Variants in FHOD3 observed in about 807,000 individuals in gnomAD.
The protein encoded by FHOD3 is formin homology 2 domain containing 3, also known as FH1/FH2 domain-containing protein 3.
In FHOD3, 90 loss-of-function variants were observed where a neutral mutation model predicts 173.0. The observed-to-expected ratio is 0.52, with a 90% CI of 0.44 to 0.62. FHOD3 has a LOEUF of 0.62. Ranked by LOEUF, FHOD3 falls within the 20% of genes least tolerant of loss-of-function variation. FHOD3 has a pLI of 0.00. For synonymous variants in FHOD3, 828 were observed against 823.0 expected, an observed-to-expected ratio of 1.01 and a Z score of -0.10; for missense variants, 1,945 against 2,034.7, an observed-to-expected ratio of 0.96 and a Z score of 0.85.
intron 6 of FHOD3, among the ~76,000 whole-genome samples, chr18:36,588,743 T>G (rs2059119185): frequency 6.6e-6 from 1 of 152,258 alleles, no homozygotes; most frequent in Admixed American, 6.5e-5. Context: ...TGTAAAAGTA[T>G]TAAGAGACTG....
At chr18:36,412,416 A>C (rs2049402193) in intron 3 of FHOD3, among the ~76,000 whole-genome samples, 1 of 152,240 alleles carries the variant, frequency 6.6e-6, no homozygotes, top group South Asian at 2.1e-4. Flanking sequence ...ACCAATTTTA[A>C]AACACAAATA....
At chr18:36,355,759 C>T in intron 2 of FHOD3, 114 bp downstream of exon 2, 1 of 798,232 alleles carries the variant, frequency 1.3e-6, no homozygotes, top group Non-Finnish European at 2.0e-6. Flanking sequence ...TCTCTTAATT[C>T]TCAATCACAC....
In FHOD3 at chr18:36,658,178, A is replaced by G. The variant is rs374842436; in HGVS notation, c.1825A>G (p.Arg609Gly). The change falls in exon 14 of 29, where the codon AGG becomes GGG. Residue 609 changes from arginine (R) to glycine (G), a missense_variant. Coordinates refer to ENST00000590592, the MANE Select transcript of FHOD3 (RefSeq NM_001281740.3). ...TSSVSPPQEARLERSSPSGLL... is the reference protein window; with the variant it reads ...TSSVSPPQEAGLERSSPSGLL... The stretch of plus-strand genomic sequence containing the variant: ...ATCCGTCTCACCCCCACAGGAGGCC[A>G]GGTTGGAAAGGTGAGTTCGACAAGC... The G allele has an allele frequency of 3.8e-6, 6 of 1,583,086 alleles. No homozygotes were observed. Among genetic ancestry groups the G allele is most frequent in the African/African-American group, 2.8e-5 (2 of 72,476 alleles).
At chr18:36,683,425 T>C (rs2038386911) in intron 15 of FHOD3, among the ~76,000 whole-genome samples, 1 of 152,208 alleles carries the variant, frequency 6.6e-6, no homozygotes, top group Admixed American at 6.5e-5. Context: ...CATTGCTGAA[T>C]GCAACCATAA....
intron 10 of FHOD3, among the ~76,000 whole-genome samples, chr18:36,633,768 T>C (rs370197667): frequency 6.6e-5 from 10 of 152,310 alleles, no homozygotes; most frequent in African/African-American, 1.7e-4. Context: ...AAGCAAAAAA[T>C]CACTCAGAGC....
At chr18:36,640,683 A>T (rs1362085831) in intron 10 of FHOD3, among the ~76,000 whole-genome samples, 3 of 152,184 alleles carry the variant, frequency 2.0e-5, no homozygotes. Flanking sequence ...CAAATGGGTC[A>T]TAAGGCACTG....
At chr18:36,777,296 A>G (rs1339301168) in intron 28 of FHOD3, among the ~76,000 whole-genome samples, 4 of 138,740 alleles carry the variant, frequency 2.9e-5, no homozygotes, top group Non-Finnish European at 6.0e-5. Flanking sequence ...TCCGCCTCCC[A>G]GGTTCAAGCA....
intron 3 of FHOD3, among the ~76,000 whole-genome samples, chr18:36,450,291 G>A (rs879619567): frequency 7.9e-5 from 12 of 152,240 alleles, no homozygotes; most frequent in East Asian, 1.9e-4. Context: ...CAGAATTAAC[G>A]TGAGAGGGAA....
intron 1 of FHOD3, among the ~76,000 whole-genome samples, chr18:36,320,749 A>C (rs1310447192): frequency 6.6e-6 from 1 of 152,214 alleles, no homozygotes; most frequent in Non-Finnish European, 1.5e-5. Context: ...ATACCCTCAA[A>C]GTGCATTGCA....
chr18:36,576,006 CCCACAGAATCTAAGACTTG>C (rs2058634308), intron 5 of FHOD3, among the ~76,000 whole-genome samples: 1 of 152,148 alleles, frequency 6.6e-6, no homozygotes, highest in Non-Finnish European at 1.5e-5. Flanking sequence ...CCAGGATGAT[CCCACAGAATCTAAGACTTG>C]CTGACCACAG....
At chr18:36,747,312 C>G (rs987603511) in intron 24 of FHOD3, among the ~76,000 whole-genome samples, 177 bp downstream of exon 24, 1 of 152,098 alleles carries the variant, frequency 6.6e-6, no homozygotes, top group African/African-American at 2.4e-5. Context: ...TTTTCTTACA[C>G]AATAATATAA....
intron 1 of FHOD3, among the ~76,000 whole-genome samples, chr18:36,340,879 C>T (rs1007194530): frequency 1.3e-5 from 2 of 152,090 alleles, no homozygotes; most frequent in African/African-American, 2.4e-5. Flanking sequence ...CCTCATGATC[C>T]GTCTGCCTCG....
intron 19 of FHOD3, among the ~76,000 whole-genome samples, chr18:36,721,403 G>A (rs1337081874): frequency 2.0e-5 from 3 of 152,206 alleles, no homozygotes; most frequent in Non-Finnish European, 4.4e-5. Context: ...CACTTTAGGA[G>A]GCCAAGGCAG....
chr18:36,463,029 C>G (rs1013945461), intron 3 of FHOD3, among the ~76,000 whole-genome samples: 1 of 152,058 alleles, frequency 6.6e-6, no homozygotes, highest in African/African-American at 2.4e-5. Context: ...ATAGTAATGT[C>G]TAGCAATAAA....
chr18:36,596,242 C>T (rs1232651679), intron 7 of FHOD3, among the ~76,000 whole-genome samples: 2 of 151,478 alleles, frequency 1.3e-5, no homozygotes, highest in Non-Finnish European at 2.9e-5. Flanking sequence ...GCAAGCTCCA[C>T]CTCGTGGGTT....
intron 3 of FHOD3, among the ~76,000 whole-genome samples, chr18:36,449,970 A>G (rs757118199): frequency 6.6e-6 from 1 of 152,138 alleles, no homozygotes; most frequent in East Asian, 1.9e-4. Context: ...GTGTTTGGTT[A>G]CATGAATAAG....
chr18:36,318,872 C>G (rs1017397089), intron 1 of FHOD3, among the ~76,000 whole-genome samples: 1 of 152,012 alleles, frequency 6.6e-6, no homozygotes, highest in Non-Finnish European at 1.5e-5. Flanking sequence ...TCATAAATAT[C>G]CCTTGTTATT....
At chr18:36,580,290 G>T (rs73429694) in intron 6 of FHOD3, among the ~76,000 whole-genome samples, 1 of 152,136 alleles carries the variant, frequency 6.6e-6, no homozygotes, top group Non-Finnish European at 1.5e-5. Flanking sequence ...CATTTGGGCC[G>T]TCAGCACTGG....
chr18:36,452,625 C>T (rs2051922057), intron 3 of FHOD3, among the ~76,000 whole-genome samples: 1 of 151,994 alleles, frequency 6.6e-6, no homozygotes, highest in African/African-American at 2.4e-5. Flanking sequence ...CCCCTGGCAG[C>T]CACCATTCTG....
Sources: gnomAD v4.1 joint callset for allele counts (sites outside exome capture counted in the v4.1 genomes callset) on GRCh38, gnomAD v4.1.1 for gene constraint, MANE v1.5 for transcripts, NCBI Gene and HGNC (gene_info 2026-07-23, HGNC 2026-07-21) for gene names.